The following ITPKC variants were observed in gnomAD, a reference collection of about 807,000 sequenced individuals.
The protein encoded by ITPKC is inositol-trisphosphate 3-kinase C.
A neutral mutation model predicts 67.1 loss-of-function variants in ITPKC; 33 were observed. That is an observed-to-expected ratio of 0.49 (90% CI 0.37 to 0.66). ITPKC has a LOEUF of 0.66. ITPKC is among the 30% of genes least tolerant of loss of function. The probability of loss-of-function intolerance (pLI) is 0.00; values close to 1 mark genes in which losing one functional copy is unlikely to be tolerated. For missense variants in ITPKC, 820 were observed against 892.1 expected (o/e 0.92, Z 1.03); for synonymous variants, 341 against 359.8 (o/e 0.95, Z 0.59).
rs747018981 is a variant in ITPKC at position 40,737,016 on chromosome 19, A to G, written c.1705A>G (p.Lys569Glu). The G allele has an allele frequency of 6.3e-7, 1 of 1,594,492 alleles. No homozygotes were observed. The highest frequency in any genetic ancestry group is 1.1e-5 in the South Asian group (1 of 88,250). The change falls in exon 5 of 7, where the codon AAG (lysine) becomes GAG (glutamate). Residue 569 changes from lysine (K) to glutamate (E), a missense_variant. Physicochemically the swap from Lys to Glu is moderately conservative, Grantham distance 56 (BLOSUM62 1). This residue lies in a region of ITPKC where 339 missense variants were observed against 422.0 expected (regional missense o/e 0.80). Coordinates refer to ENST00000263370, the MANE Select transcript of ITPKC (RefSeq NM_025194.3). ...AGATGGGACCTGTAACACCAACTTCAAGAAGACGCAGGCACTGGAGCAGGT... is the reference window on the plus strand; with the variant it reads ...AGATGGGACCTGTAACACCAACTTCGAGAAGACGCAGGCACTGGAGCAGGT... ...KADGTCNTNF[K>E]KTQALEQVTK...
At chr19:40,725,533 G>A (rs1268188281) in intron 2 of ITPKC, 94 bp downstream of exon 2, 1 of 876,772 alleles carries the variant, frequency 1.1e-6, no homozygotes, top group African/African-American at 1.6e-5. Flanking sequence ...CTAGTGATGG[G>A]CTTGGTGACA....
Position 40,729,591 on chromosome 19 carries a change from C to G in ITPKC, c.1469+176C>G, listed in dbSNP as rs1412170403. 1.4e-4 allele frequency among the ~76,000 whole-genome samples: 22 copies of G among 152,188 alleles called. 1 individual carries two copies. The highest frequency in any genetic ancestry group is 1.2e-3 in the Admixed American group (19 of 15,272). ...AACCAGCCTGACCAACGTGGTGAAG[C>G]CCTGTCTCTACTAAAAATACAAAAA... On this transcript the variant is annotated intron_variant, in intron 3 of 6. Coordinates refer to ENST00000263370, the MANE Select transcript of ITPKC (RefSeq NM_025194.3).
Position 40,717,436 on chromosome 19 carries a change from G to A in ITPKC, c.301G>A (p.Gly101Ser), listed in dbSNP as rs1373077576. Residue 101 changes from glycine to serine, a missense_variant, in exon 1 of 7, where the codon GGC becomes AGC. Around this residue, in one of 2 missense-constraint regions of ITPKC, gnomAD observed 481 missense variants for 470.1 expected, o/e 1.02. Transcript: ENST00000263370. ...CGGACAGACTGAGCCCGCGGCAGCT[G>A]GCCTTGGAGTAGAGACCGAGAGGCC... The part of the protein sequence containing the change: ...TDGQTEPAAA[G>S]LGVETERPKQ... The A allele has an allele frequency of 2.5e-6, 4 of 1,613,972 alleles. No individual in the cohort carries two copies. Among genetic ancestry groups the A allele is most frequent in the East Asian group, 2.2e-5 (1 of 44,868 alleles).
At chr19:40,724,131 G>T (rs892865361) in intron 1 of ITPKC, among the ~76,000 whole-genome samples, 10 of 152,196 alleles carry the variant, frequency 6.6e-5, no homozygotes, top group African/African-American at 2.4e-4. Flanking sequence ...AGCAAGGCCA[G>T]GTGTGGTGGC....
At chr19:40,729,786 GAAAA>G (rs202060239) in intron 3 of ITPKC, among the ~76,000 whole-genome samples, 3,315 of 152,062 alleles carry the variant, frequency 0.022, 113 homozygotes, top group African/African-American at 0.075. Flanking sequence ...GAAAAGAAAA[GAAAA>G]GAAAATAGCG....
intron 1 of ITPKC, among the ~76,000 whole-genome samples, chr19:40,721,610 C>T (rs922776092): frequency 5.9e-5 from 9 of 151,900 alleles, no homozygotes; most frequent in African/African-American, 2.2e-4. Flanking sequence ...CTCAGGTGAT[C>T]CACCCACCTC....
At chr19:40,733,481 G>C (rs1880877787) in intron 4 of ITPKC, 117 bp downstream of exon 4, 3 of 949,940 alleles carry the variant, frequency 3.2e-6, no homozygotes, top group Non-Finnish European at 4.6e-6. Context: ...GAAAGGCTGG[G>C]GCTGGGGAAG....
chr19:40,718,270 G>A lies in ITPKC; in HGVS notation c.1135G>A (p.Asp379Asn), dbSNP rs573102661. 2.6e-6 allele frequency: 4 copies of A among 1,518,724 alleles called. No individual in the cohort carries two copies. Among genetic ancestry groups the A allele is most frequent in the East Asian group, 2.3e-5 (1 of 44,178 alleles). The allele number at this position is 1,518,724 out of a possible 1,614,324, so 94.1% of individuals were successfully genotyped here. ...DVVAGGGGAS[D>N]PEDRSGSKPW... Reference sequence around the variant, plus strand: ...GGTGGCCGGGGGCGGAGGTGCCAGCGATCCCGAGGACAGGTCTGGGGTGAG... The same window carrying A: ...GGTGGCCGGGGGCGGAGGTGCCAGCAATCCCGAGGACAGGTCTGGGGTGAG... The change falls in exon 1 of 7, where the codon GAT (aspartate) becomes AAT (asparagine). Residue 379 changes from aspartate (D) to asparagine (N), a missense_variant. Transcript: ENST00000263370.
chr19:40,723,590 G>A (rs185469929), intron 1 of ITPKC, among the ~76,000 whole-genome samples: 192 of 151,640 alleles, frequency 1.3e-3, no homozygotes, highest in African/African-American at 3.5e-3. Flanking sequence ...TCTGCCTCTC[G>A]GGTTCAAACG....
At chr19:40,739,320 C>G (rs375931974) in intron 6 of ITPKC, 37 bp from the exon 7 acceptor site, 27 of 1,547,994 alleles carry the variant, frequency 1.7e-5, no homozygotes, top group Middle Eastern at 3.4e-4. Flanking sequence ...TGGCCAGTGC[C>G]TGCTCCTCCC....
At chr19:40,736,844 A>G (rs1483220175) in intron 4 of ITPKC, 142 bp from the exon 5 acceptor site, 1 of 306,968 alleles carries the variant, frequency 3.3e-6, no homozygotes, top group Non-Finnish European at 5.9e-6. Flanking sequence ...TTTTTTTTTT[A>G]AATAGAGATG....
In ITPKC at chr19:40,717,581, C is replaced by A. The variant is rs773439482; in HGVS notation, c.446C>A (p.Pro149Gln). 3 of 1,614,116 alleles carry A rather than the reference C, an allele frequency of 1.9e-6. No homozygotes were observed. In the Admixed American group the frequency reaches 5.0e-5, roughly 27 times the overall value. The change falls in exon 1 of 7, where the codon CCG becomes CAG. Residue 149 changes from proline to glutamine, a missense_variant. By Grantham distance (76) the Pro-to-Gln change is moderately conservative. Transcript: ENST00000263370. ...GGGACAGATGGCCTTTGGACTGATC[C>A]GCACAGGTCCGACCTCCAGTTTCAG... is the stretch of plus-strand genomic sequence containing the variant. ...ETGTDGLWTDPHRSDLQFQPE... is the reference protein window; with the variant it reads ...ETGTDGLWTDQHRSDLQFQPE...
intron 1 of ITPKC, among the ~76,000 whole-genome samples, chr19:40,724,812 G>A (rs1325595351): frequency 6.6e-6 from 1 of 151,984 alleles, no homozygotes; most frequent in East Asian, 1.9e-4. Flanking sequence ...AGCCAGACAT[G>A]GTGGCATGCA....
rs2082279493 is a variant in ITPKC at position 40,733,167 on chromosome 19, C to A, written c.1477C>A (p.Leu493Met). 6.2e-7 allele frequency: 1 copy of A among 1,614,032 alleles called. No individual in the cohort carries two copies. Among genetic ancestry groups the A allele is most frequent in the Admixed American group, 1.7e-5 (1 of 60,014 alleles). The stretch of plus-strand genomic sequence containing the variant: ...CATCCTCTGTGTGCTCAGGACCTAT[C>A]TGGAAGAGGAGCTAGTGAAGGCACG... ...MDCKMGSRTY[L>M]EEELVKARER... The change falls in exon 4 of 7, where the codon CTG becomes ATG. Residue 493 changes from leucine to methionine, a missense_variant. Leu to Met is a conservative substitution (Grantham distance 15, BLOSUM62 2). Transcript: ENST00000263370.
intron 3 of ITPKC, among the ~76,000 whole-genome samples, chr19:40,732,802 A>G (rs558533271): frequency 6.6e-6 from 1 of 152,248 alleles, no homozygotes; most frequent in African/African-American, 2.4e-5. Context: ...CTCCAAGATC[A>G]TGCAAATATT....
intron 4 of ITPKC, among the ~76,000 whole-genome samples, chr19:40,736,473 G>C (rs1304864387): frequency 6.6e-6 from 1 of 152,080 alleles, no homozygotes; most frequent in South Asian, 2.1e-4. Flanking sequence ...TTCCTCCTCT[G>C]GCAGCAAGTG....
chr19:40,736,346 G>A (rs2082294256), intron 4 of ITPKC, among the ~76,000 whole-genome samples: 1 of 151,966 alleles, frequency 6.6e-6, no homozygotes, highest in African/African-American at 2.4e-5. Context: ...CTGCTCCAAA[G>A]CCCACTTTCC....
intron 1 of ITPKC, among the ~76,000 whole-genome samples, chr19:40,721,459 C>A (rs1284024780): frequency 1.3e-5 from 2 of 151,896 alleles, no homozygotes; most frequent in African/African-American, 2.4e-5. Flanking sequence ...CAACCTCAGC[C>A]TCCCGGGTTC....
chr19:40,734,472 A>G (rs920640510), intron 4 of ITPKC, among the ~76,000 whole-genome samples: 6 of 152,096 alleles, frequency 3.9e-5, no homozygotes, highest in Non-Finnish European at 8.8e-5. Flanking sequence ...CCCACCAGCA[A>G]TGTATGAGAA....
Sources: allele counts gnomAD v4.1 joint callset (sites outside exome capture counted in the v4.1 genomes callset), GRCh38; gene constraint gnomAD v4.1.1; regional missense constraint gnomAD v4.1.1; transcripts MANE v1.5; gene names NCBI Gene and HGNC (gene_info 2026-07-23, HGNC 2026-07-21).